ADGRB3: variants seen among roughly 807,000 people sequenced by gnomAD.
ADGRB3 encodes brain-specific angiogenesis inhibitor 3.
ADGRB3 carries 37 observed loss-of-function variants against 193.4 expected under a neutral mutation model. The ratio of observed to expected loss-of-function variants is 0.19; its 90% CI spans 0.15 to 0.25. The LOEUF (loss-of-function observed/expected upper bound fraction) is 0.25, where lower values mean the gene tolerates loss of function less well. ADGRB3 is among the 10% of genes least tolerant of loss of function. The pLI, the probability that ADGRB3 is intolerant of heterozygous loss-of-function variation, is 1.00. For missense variants in ADGRB3, 1,637 were observed against 1,852.9 expected (o/e 0.88, Z 2.14); for synonymous variants, 690 against 644.2 (o/e 1.07, Z -1.08).
chr6:69,105,261 C>T (rs927134653), intron 17 of ADGRB3, among the ~76,000 whole-genome samples: 19 of 152,266 alleles, frequency 1.2e-4, no homozygotes, highest in African/African-American at 4.1e-4. Context: ...CCCTCCTGCC[C>T]ATTTCAGCCT....
At chr6:68,722,328 G>A (rs942653555) in intron 3 of ADGRB3, among the ~76,000 whole-genome samples, 2 of 151,712 alleles carry the variant, frequency 1.3e-5, no homozygotes, top group Non-Finnish European at 2.9e-5. Context: ...CCTGTTGCGG[G>A]GCGGGGGTTG....
chr6:68,792,456 C>A (rs1767124920), intron 3 of ADGRB3, among the ~76,000 whole-genome samples: 1 of 152,216 alleles, frequency 6.6e-6, no homozygotes, highest in East Asian at 1.9e-4. Flanking sequence ...GCTTAAGAGG[C>A]CTTTAAATTC....
At chr6:68,701,011 T>C (rs888925865) in intron 3 of ADGRB3, among the ~76,000 whole-genome samples, 1 of 152,134 alleles carries the variant, frequency 6.6e-6, no homozygotes, top group Admixed American at 6.6e-5. Context: ...AAAATTTGTT[T>C]TGTAGATTTA....
intron 29 of ADGRB3, among the ~76,000 whole-genome samples, chr6:69,364,164 C>T (rs868617063): frequency 7.2e-5 from 11 of 152,074 alleles, no homozygotes; most frequent in South Asian, 6.2e-4. Flanking sequence ...AATATAAAGA[C>T]GCTCACATTT....
chr6:69,366,739 C>G (rs1254472445), intron 29 of ADGRB3, among the ~76,000 whole-genome samples: 1 of 152,118 alleles, frequency 6.6e-6, no homozygotes, highest in East Asian at 1.9e-4. Context: ...AACAAATTCT[C>G]TCAGAGTATG....
chr6:68,694,116 A>T (rs1476514900), intron 3 of ADGRB3, among the ~76,000 whole-genome samples: 1 of 152,024 alleles, frequency 6.6e-6, no homozygotes. Flanking sequence ...AATTAGATGC[A>T]TATTAATCAC....
At chr6:69,248,624 C>T (rs961677306) in intron 20 of ADGRB3, among the ~76,000 whole-genome samples, 11 of 152,304 alleles carry the variant, frequency 7.2e-5, no homozygotes, top group African/African-American at 2.2e-4. Context: ...ATACTTTAGG[C>T]TTTGTAGGAC....
At chr6:69,223,962 CT>C (rs1383103995) in intron 17 of ADGRB3, among the ~76,000 whole-genome samples, 1 of 151,600 alleles carries the variant, frequency 6.6e-6, no homozygotes, top group African/African-American at 2.4e-5. Context: ...TGGCCTTTTT[CT>C]TTTGAATCTC....
intron 20 of ADGRB3, among the ~76,000 whole-genome samples, chr6:69,269,808 T>C (rs1767134071): frequency 6.6e-6 from 1 of 152,180 alleles, no homozygotes; most frequent in Admixed American, 6.6e-5. Context: ...ATTTCCTGTA[T>C]CATAATTTCC....
intron 30 of ADGRB3, among the ~76,000 whole-genome samples, chr6:69,373,285 C>T (rs1000372158): frequency 5.9e-5 from 9 of 152,100 alleles, no homozygotes; most frequent in South Asian, 4.1e-4. Flanking sequence ...ACAGAAGCCT[C>T]CCAGAACGTG....
chr6:68,982,075 G>A (rs146769628), intron 10 of ADGRB3, among the ~76,000 whole-genome samples: 65 of 151,962 alleles, frequency 4.3e-4, no homozygotes, highest in Middle Eastern at 3.4e-3. Context: ...CAGTAGAAAC[G>A]GGTTTTCATC....
At chr6:68,832,641 A>C (rs1351243716) in intron 3 of ADGRB3, among the ~76,000 whole-genome samples, 3 of 152,116 alleles carry the variant, frequency 2.0e-5, no homozygotes, top group Non-Finnish European at 2.9e-5. Context: ...GATTGGTTGG[A>C]GTATGATACT....
chr6:69,325,893 A>G (rs924559297), intron 21 of ADGRB3, among the ~76,000 whole-genome samples: 1 of 152,230 alleles, frequency 6.6e-6, no homozygotes, highest in African/African-American at 2.4e-5. Context: ...AGACAAATGG[A>G]AAAGCAATTA....
intron 6 of ADGRB3, among the ~76,000 whole-genome samples, chr6:68,947,856 C>T (rs897188851): frequency 6.6e-6 from 1 of 152,074 alleles, no homozygotes; most frequent in African/African-American, 2.4e-5. Context: ...CGCCCTTCAA[C>T]CAAAGTTCAT....
chr6:68,918,502 A>T (rs955927221), intron 3 of ADGRB3, among the ~76,000 whole-genome samples: 2 of 152,196 alleles, frequency 1.3e-5, no homozygotes, highest in African/African-American at 4.8e-5. Flanking sequence ...TGAATTTATA[A>T]CCCTAGCATT....
chr6:69,320,022 T>A (rs1004303997), intron 20 of ADGRB3, among the ~76,000 whole-genome samples: 1 of 151,468 alleles, frequency 6.6e-6, no homozygotes, highest in African/African-American at 2.4e-5. Flanking sequence ...ACAGATAGAT[T>A]TTTCTTAGTT....
At chr6:69,316,984 G>A (rs908849953) in intron 20 of ADGRB3, among the ~76,000 whole-genome samples, 16 of 151,476 alleles carry the variant, frequency 1.1e-4, no homozygotes, top group African/African-American at 3.1e-4. Context: ...GGAATCAAGC[G>A]TAGTTACTAT....
intron 20 of ADGRB3, among the ~76,000 whole-genome samples, chr6:69,289,464 C>T (rs1372447666): frequency 6.6e-6 from 1 of 152,172 alleles, no homozygotes; most frequent in Non-Finnish European, 1.5e-5. Flanking sequence ...CACACCTTCA[C>T]AATTCAACAA....
At chr6:69,074,932 T>C (rs1411066052) in intron 16 of ADGRB3, among the ~76,000 whole-genome samples, 6 of 152,182 alleles carry the variant, frequency 3.9e-5, no homozygotes, top group Non-Finnish European at 8.8e-5. Flanking sequence ...TGTTTGTTTG[T>C]TTAATCCTGT....
Sources: allele counts gnomAD v4.1 joint callset (sites outside exome capture counted in the v4.1 genomes callset), GRCh38; gene constraint gnomAD v4.1.1; transcripts MANE v1.5; gene names NCBI Gene and HGNC (gene_info 2026-07-23, HGNC 2026-07-21).